MAPK6: variants seen among roughly 807,000 people sequenced by gnomAD.
MAPK6 encodes the protein mitogen-activated protein kinase 6, also known as ERK-3.
MAPK6 carries 19 observed loss-of-function variants against 59.3 expected under a neutral mutation model. That is an observed-to-expected ratio of 0.32 (90% CI 0.22 to 0.47). The LOEUF (loss-of-function observed/expected upper bound fraction) is 0.47. MAPK6 is among the 20% of genes least tolerant of loss of function. The probability of loss-of-function intolerance (pLI) is 1.00; values close to 1 mark genes in which losing one functional copy is unlikely to be tolerated. For synonymous variants in MAPK6, 316 were observed against 290.3 expected (o/e 1.09, Z -0.90); for missense variants, 724 against 847.9 (o/e 0.85, Z 1.81).
chr15:52,020,380 G>A (rs1314221113), intron 1 of MAPK6, among the ~76,000 whole-genome samples: 1 of 152,008 alleles, frequency 6.6e-6, no homozygotes, highest in African/African-American at 2.4e-5. Context: ...AAAGGGACTG[G>A]TGAGTTGGAA....
upstream of MAPK6, among the ~76,000 whole-genome samples, chr15:52,015,110 C>T (rs565997622): frequency 2.7e-4 from 41 of 152,176 alleles, no homozygotes; most frequent in Admixed American, 1.2e-3. Flanking sequence ...AAGCAATTCT[C>T]CTGCCTCAGC....
upstream of MAPK6, chr15:52,019,128 G>C (rs1056206942): frequency 1.0e-4 from 16 of 152,402 alleles, no homozygotes; most frequent in African/African-American, 3.8e-4. Context: ...ATTCCGGCGC[G>C]TGCGGGTGCG....
intron 1 of MAPK6, among the ~76,000 whole-genome samples, chr15:52,034,459 G>A (rs1046324574): frequency 6.6e-6 from 1 of 151,586 alleles, no homozygotes; most frequent in Non-Finnish European, 1.5e-5. Context: ...ACAGGCGCAT[G>A]CCACCATGCC....
chr15:52,025,555 C>T (rs892927296), intron 1 of MAPK6, among the ~76,000 whole-genome samples: 1 of 152,200 alleles, frequency 6.6e-6, no homozygotes, highest in African/African-American at 2.4e-5. Flanking sequence ...GTAATGCCAG[C>T]ACTTTGGGAG....
Position 52,063,943 on chromosome 15 carries a change from A to G in MAPK6, c.1109A>G (p.His370Arg), listed in dbSNP as rs2032308427. 1.3e-6 allele frequency: 2 copies of G among 1,597,884 alleles called. No individual in the cohort carries two copies. Among genetic ancestry groups the G allele is most frequent in the South Asian group, 1.1e-5 (1 of 88,106 alleles). ...CQFSEHDWPVHNNFDIDEVQL... is the reference protein window; with the variant it reads ...CQFSEHDWPVRNNFDIDEVQL... ...TTTTCAGAGCATGATTGGCCTGTAC[A>G]TAACAACTTTGATATTGATGAAGTT... is the stretch of plus-strand genomic sequence containing the variant. The change falls in exon 6 of 6, where the codon CAT becomes CGT. Residue 370 changes from histidine (H) to arginine (R), a missense_variant. His to Arg is a conservative substitution (Grantham distance 29, BLOSUM62 0). Coordinates refer to ENST00000261845, the MANE Select transcript of MAPK6 (RefSeq NM_002748.4).
chr15:52,029,129 C>A (rs2030929146), intron 1 of MAPK6, among the ~76,000 whole-genome samples: 1 of 152,216 alleles, frequency 6.6e-6, no homozygotes, highest in Admixed American at 6.5e-5. Context: ...CCTCCATCTA[C>A]TGGGTTCAAG....
intron 1 of MAPK6, among the ~76,000 whole-genome samples, chr15:51,979,189 G>A (rs2057165771): frequency 7.0e-6 from 1 of 143,182 alleles, no homozygotes. Context: ...AGGAAGGAGG[G>A]AAAAGAGAAA....
At chr15:52,045,749 C>T (rs2031575073) in intron 1 of MAPK6, 81 bp from the exon 2 acceptor site, 1 of 152,584 alleles carries the variant, frequency 6.6e-6, no homozygotes, top group Non-Finnish European at 1.5e-5. Context: ...TTGCTAAATG[C>T]CTACTTTGTG....
intron 1 of MAPK6, among the ~76,000 whole-genome samples, chr15:52,039,401 T>G (rs1353264076): frequency 6.6e-6 from 1 of 152,208 alleles, no homozygotes; most frequent in Non-Finnish European, 1.5e-5. Context: ...TTACAATGGC[T>G]TTTTAAATGG....
chr15:52,003,002 C>T (rs914863425), intron 2 of MAPK6, among the ~76,000 whole-genome samples: 1 of 152,104 alleles, frequency 6.6e-6, no homozygotes, highest in Admixed American at 6.5e-5. Flanking sequence ...ACCTGACCAA[C>T]ATGGTGAAAC....
intron 1 of MAPK6, among the ~76,000 whole-genome samples, chr15:51,973,403 G>A (rs3110553): frequency 1.2e-4 from 18 of 151,486 alleles, no homozygotes; most frequent in African/African-American, 4.4e-4. Context: ...GCGCAGTGGC[G>A]CCATCATAGC....
chr15:51,980,941 G>A (rs1414872113), intron 1 of MAPK6, among the ~76,000 whole-genome samples: 2 of 151,474 alleles, frequency 1.3e-5, no homozygotes, highest in Admixed American at 6.6e-5. Context: ...AGCATTTGCA[G>A]GGTATCCAGA....
chr15:51,992,549 C>A (rs1338386041), intron 2 of MAPK6, among the ~76,000 whole-genome samples: 1 of 151,828 alleles, frequency 6.6e-6, no homozygotes, highest in Non-Finnish European at 1.5e-5. Flanking sequence ...TGCGATCCAC[C>A]CACCTCGGCC....
chr15:51,975,535 G>A (rs572837785), intron 1 of MAPK6, among the ~76,000 whole-genome samples: 7 of 150,588 alleles, frequency 4.6e-5, no homozygotes, highest in South Asian at 2.1e-4. Flanking sequence ...GCAAGACTCC[G>A]TCTAAAAAAA....
chr15:51,983,508 C>CA (rs200178591), intron 2 of MAPK6, among the ~76,000 whole-genome samples: 8,154 of 145,352 alleles, frequency 0.056, 512 homozygotes, highest in African/African-American at 0.15. Context: ...ACGACAACAA[C>CA]AAAAAAAAAC....
intron 2 of MAPK6, among the ~76,000 whole-genome samples, chr15:52,000,510 T>A (rs759222940): frequency 6.6e-6 from 1 of 152,212 alleles, no homozygotes; most frequent in Non-Finnish European, 1.5e-5. Flanking sequence ...TCTGGCATTT[T>A]AAAAAACTTT....
At chr15:52,032,653 CAG>C (rs1165818926) in intron 1 of MAPK6, among the ~76,000 whole-genome samples, 2 of 152,060 alleles carry the variant, frequency 1.3e-5, no homozygotes, top group Admixed American at 1.3e-4. Context: ...CTGCTGGAGA[CAG>C]ATTTCTATCC....
chr15:52,052,049 C>T (rs999751900), intron 3 of MAPK6, among the ~76,000 whole-genome samples: 2 of 152,060 alleles, frequency 1.3e-5, no homozygotes, highest in Non-Finnish European at 2.9e-5. Context: ...CTGTTTGTTG[C>T]GGTGTGACAA....
At chr15:52,061,091 C>A (rs1290558840) in intron 4 of MAPK6, among the ~76,000 whole-genome samples, 7 of 152,154 alleles carry the variant, frequency 4.6e-5, no homozygotes, top group Admixed American at 3.3e-4. Context: ...TTATTTCTGA[C>A]AAATTAACTT....
Sources: allele counts gnomAD v4.1 joint callset (sites outside exome capture counted in the v4.1 genomes callset), GRCh38; gene constraint gnomAD v4.1.1; transcripts MANE v1.5; gene names NCBI Gene and HGNC (gene_info 2026-07-23, HGNC 2026-07-21).